The following RAD18 variants were observed in gnomAD, a reference collection of about 807,000 sequenced individuals.
RAD18 encodes the protein E3 ubiquitin-protein ligase RAD18.
A neutral mutation model predicts 60.4 loss-of-function variants in RAD18; 47 were observed. The ratio of observed to expected loss-of-function variants is 0.78; its 90% CI spans 0.62 to 0.99. The LOEUF is 0.99. Ranked by LOEUF, RAD18 falls within the 50% of genes least tolerant of loss-of-function variation. The pLI is 0.00. For synonymous variants in RAD18, 225 were observed against 195.5 expected (o/e 1.15, Z -1.26); for missense variants, 640 against 593.3 (o/e 1.08, Z -0.82).
intron 3 of RAD18, 92 bp downstream of exon 3, chr3:8,948,417 T>C (rs1218703399): frequency 1.9e-6 from 2 of 1,069,382 alleles, no homozygotes; most frequent in African/African-American, 3.2e-5. Context: ...TAACTACACA[T>C]CACCCTATAT....
chr3:8,920,907 T>C (rs1940307587), intron 7 of RAD18, among the ~76,000 whole-genome samples: 1 of 152,246 alleles, frequency 6.6e-6, no homozygotes, highest in Admixed American at 6.5e-5. Context: ...ACAAAGGTTA[T>C]TATTGGGTCC....
intron 7 of RAD18, among the ~76,000 whole-genome samples, chr3:8,916,037 C>T (rs752773739): frequency 2.6e-5 from 4 of 152,176 alleles, no homozygotes; most frequent in Non-Finnish European, 4.4e-5. Flanking sequence ...GGACATGAAG[C>T]CCCAATCACA....
intron 4 of RAD18, among the ~76,000 whole-genome samples, chr3:8,944,465 G>A (rs551255537): frequency 4.6e-5 from 7 of 151,998 alleles, no homozygotes; most frequent in African/African-American, 1.4e-4. Context: ...GAGCCCAAGA[G>A]TTCGAGGTTA....
Position 8,939,657 on chromosome 3 carries a change from T to C in RAD18, c.605-4A>G. On this transcript the variant is annotated splice_region_variant and splice_polypyrimidine_tract_variant and intron_variant, in intron 5 of 12. Transcript: ENST00000264926. Reference sequence around the variant, plus strand: ...ACCCCGCAAACAGGACAATCCACTGTATTTTTTAAAAAGAAAAAGAGAGAC... The same window carrying C: ...ACCCCGCAAACAGGACAATCCACTGCATTTTTTAAAAAGAAAAAGAGAGAC... 6.2e-7 allele frequency: 1 copy of C among 1,605,008 alleles called. No homozygotes were observed. The highest frequency in any genetic ancestry group is 1.3e-5 in the African/African-American group (1 of 74,592).
intron 7 of RAD18, among the ~76,000 whole-genome samples, chr3:8,933,503 G>A (rs1028990373): frequency 6.6e-6 from 1 of 152,142 alleles, no homozygotes; most frequent in African/African-American, 2.4e-5. Flanking sequence ...TACAAAAAGC[G>A]ACAAGCCATT....
chr3:8,919,853 TG>T (rs1559776772), intron 7 of RAD18, among the ~76,000 whole-genome samples: 4 of 13,872 alleles, frequency 2.9e-4, no homozygotes, highest in Non-Finnish European at 7.8e-4. Flanking sequence ...ATAATGGGGG[TG>T]TATGTCATGA....
chr3:8,951,169 A>G (rs1388877365), intron 2 of RAD18, among the ~76,000 whole-genome samples: 1 of 152,230 alleles, frequency 6.6e-6, no homozygotes, highest in African/African-American at 2.4e-5. Flanking sequence ...AACACTAACC[A>G]GGATAAATGC....
chr3:8,959,066 A>G, intron 1 of RAD18, 65 bp from the exon 2 acceptor site: 2 of 1,309,452 alleles, frequency 1.5e-6, no homozygotes, highest in South Asian at 2.4e-5. Context: ...CTGTCACAAA[A>G]CTTTTTCTCT....
chr3:8,952,602 C>G lies in RAD18; in HGVS notation c.134-4032G>C, dbSNP rs1940944298. Among the ~76,000 whole-genome samples, 3 of 152,126 alleles carry G rather than the reference C, an allele frequency of 2.0e-5. No individual in the cohort carries two copies. In the South Asian group the frequency reaches 6.2e-4, roughly 32 times the overall value. On this transcript the variant is annotated intron_variant, in intron 2 of 12. Transcript: ENST00000264926. ...CACTATTAAGTTGAATTATATGAAA[C>G]TGACATTTTTGGTTAAGTCAAAAAT... is the stretch of plus-strand genomic sequence containing the variant.
At chr3:8,921,955 G>A (rs557442250) in intron 7 of RAD18, among the ~76,000 whole-genome samples, 2 of 152,180 alleles carry the variant, frequency 1.3e-5, no homozygotes, top group African/African-American at 4.8e-5. Flanking sequence ...GAAAGTCAGG[G>A]GCAGTTCCAA....
At chr3:8,933,118 TAAAATAA>T in intron 7 of RAD18, among the ~76,000 whole-genome samples, 1 of 150,496 alleles carries the variant, frequency 6.6e-6, no homozygotes, top group Middle Eastern at 3.4e-3. Context: ...ATAAATAAAA[TAAAATAA>T]AAAATAAATG....
chr3:8,923,671 C>T (rs967003665), intron 7 of RAD18, among the ~76,000 whole-genome samples: 5 of 152,106 alleles, frequency 3.3e-5, no homozygotes, highest in Non-Finnish European at 5.9e-5. Context: ...AGAGAAAGGT[C>T]GGGTTACCCA....
chr3:8,896,438 A>AAGAAAGC (rs1216032486), intron 11 of RAD18, among the ~76,000 whole-genome samples: 10 of 152,192 alleles, frequency 6.6e-5, no homozygotes, highest in Non-Finnish European at 1.0e-4. Flanking sequence ...AAAAAAGCAG[A>AAGAAAGC]AGAAAGCATT....
rs17049713 is a variant in RAD18, at chr3:8,895,419, G to C, written c.1322+3475C>G. On this transcript the variant is annotated intron_variant, in intron 11 of 12. Transcript: ENST00000264926. Reference sequence around the variant, plus strand: ...ACTTAGGATATTGTTCCACTAGTTTGATGTTTTTTCTCTCAATTTGACCAG... The same window carrying C: ...ACTTAGGATATTGTTCCACTAGTTTCATGTTTTTTCTCTCAATTTGACCAG... 3.1e-3 allele frequency among the ~76,000 whole-genome samples: 469 copies of C among 152,282 alleles called. 5 individuals carry two copies. Among genetic ancestry groups the C allele is most frequent in the African/African-American group, 0.011 (460 of 41,564 alleles).
rs534698426 is a variant in RAD18, at chr3:8,898,340, A to G, written c.1322+554T>C. 6.6e-5 allele frequency among the ~76,000 whole-genome samples: 10 copies of G among 151,956 alleles called. 1 individual carries two copies. The East Asian group carries it at 1.9e-3, about 29-fold the overall frequency. On this transcript the variant is annotated intron_variant, in intron 11 of 12. Transcript: ENST00000264926. ...ACGTAACATTTATGACATAACATTA[A>G]GTGAAAGACCGGAACAAAAACTGGT...
intron 4 of RAD18, among the ~76,000 whole-genome samples, chr3:8,942,208 A>G (rs1470954018): frequency 1.3e-5 from 2 of 152,192 alleles, no homozygotes; most frequent in Non-Finnish European, 2.9e-5. Flanking sequence ...CGAATTTCTC[A>G]TGAATGGTTT....
At chr3:8,959,078 T>A in intron 1 of RAD18, 77 bp from the exon 2 acceptor site, 1 of 1,130,258 alleles carries the variant, frequency 8.8e-7, no homozygotes, top group Non-Finnish European at 1.3e-6. Flanking sequence ...TTTTTCTCTA[T>A]CCCCTAAAAA....
At position 8,902,408 on chromosome 3, in the gene RAD18, A is replaced by G; in HGVS notation, c.1140T>C (p.Ser380=). 4.4e-6 allele frequency: 7 copies of G among 1,607,536 alleles called. No homozygotes were observed. Among genetic ancestry groups the G allele is most frequent in the Non-Finnish European group, 6.0e-6 (7 of 1,176,374 alleles). ...TGCATACAGAAGATAGCTTTTCTGTAGATTCATCTTCTTTTGTTATTGTTA... is the reference window on the plus strand; with the variant it reads ...TGCATACAGAAGATAGCTTTTCTGTGGATTCATCTTCTTTTGTTATTGTTA... ...KTVTITKEDE[S]TEKLSSVCMG... is the part of the protein sequence containing the mutation. Residue 380 remains serine (S), a synonymous_variant, in exon 10 of 13, where the codon TCT becomes TCC. Transcript: ENST00000264926.
At position 8,956,750 on chromosome 3, in the gene RAD18, T is replaced by TAAAAAAA. The variant is rs59945420; in HGVS notation, c.133+2163_133+2169dup. On this transcript the variant is annotated intron_variant, in intron 2 of 12. Coordinates refer to ENST00000264926, the MANE Select transcript of RAD18 (RefSeq NM_020165.4). ...CAAAATTCAACACCCATTCATGATT[T>TAAAAAAA]AAAAAAAAAAATCCTCTCGCCTAAC... is the stretch of plus-strand genomic sequence containing the variant. Among the ~76,000 whole-genome samples the TAAAAAAA allele has an allele frequency of 1.4e-3, 194 of 137,790 alleles. 3 individuals carry two copies. The highest frequency in any genetic ancestry group is 0.011 in the Middle Eastern group (3 of 274). The allele number at this position is 137,790 out of a possible 152,430, so 90.4% of individuals were successfully genotyped here.
Sources: allele counts gnomAD v4.1 joint callset (sites outside exome capture counted in the v4.1 genomes callset), GRCh38; gene constraint gnomAD v4.1.1; transcripts MANE v1.5; gene names NCBI Gene and HGNC (gene_info 2026-07-23, HGNC 2026-07-21).